The following TRIP12 variants were observed in gnomAD, a reference collection of about 807,000 sequenced individuals.
The protein encoded by TRIP12 is thyroid hormone receptor interactor 12, also known as E3 ubiquitin-protein ligase TRIP12.
TRIP12 carries 25 observed loss-of-function variants against 244.2 expected under a neutral mutation model. That is an observed-to-expected ratio of 0.10 (90% CI 0.07 to 0.14). TRIP12 has a LOEUF of 0.14. Among genes scored for constraint, TRIP12 ranks in the 10% least tolerant of loss-of-function variants. The probability of loss-of-function intolerance (pLI) is 1.00; values close to 1 mark genes in which losing one functional copy is unlikely to be tolerated. For synonymous variants in TRIP12, 905 were observed against 873.1 expected, an observed-to-expected ratio of 1.04 and a Z score of -0.64; for missense variants, 1,677 against 2,486.4, an observed-to-expected ratio of 0.67 and a Z score of 6.92.
At chr2:229,777,285 G>A in intron 37 of TRIP12, 30 bp downstream of exon 37, 2 of 1,588,992 alleles carry the variant, frequency 1.3e-6, no homozygotes, top group Non-Finnish European at 1.7e-6. Context: ...ATAAAGACTT[G>A]ATCTACTGGA....
At chr2:229,822,956 A>G (rs1223120061) in intron 8 of TRIP12, among the ~76,000 whole-genome samples, 1 of 152,232 alleles carries the variant, frequency 6.6e-6, no homozygotes, top group African/African-American at 2.4e-5. Context: ...GATTGAAGAC[A>G]GCAGAAAAAA....
intron 8 of TRIP12, among the ~76,000 whole-genome samples, chr2:229,825,208 C>A (rs1348201195): frequency 6.6e-6 from 1 of 152,106 alleles, no homozygotes; most frequent in Non-Finnish European, 1.5e-5. Context: ...GGAATTAGGA[C>A]ACTCACCATT....
At chr2:229,910,009 C>A (rs975031253) in intron 1 of TRIP12, among the ~76,000 whole-genome samples, 2 of 152,160 alleles carry the variant, frequency 1.3e-5, no homozygotes, top group African/African-American at 2.4e-5. Context: ...CCTTTAAGAG[C>A]TAAATGCAGC....
chr2:229,835,386 G>A (rs555757884), intron 6 of TRIP12, among the ~76,000 whole-genome samples: 1 of 152,120 alleles, frequency 6.6e-6, no homozygotes, highest in Non-Finnish European at 1.5e-5. Context: ...ATAAATAGGG[G>A]AACAAAATTT....
intron 4 of TRIP12, among the ~76,000 whole-genome samples, chr2:229,842,545 G>GA (rs535266230): frequency 7.2e-5 from 11 of 151,920 alleles, no homozygotes; most frequent in African/African-American, 2.7e-4. Context: ...AGTTTAGAGA[G>GA]AAAAAAATGC....
chr2:229,808,513 C>A, intron 15 of TRIP12, 144 bp from the exon 16 acceptor site: 1 of 607,442 alleles, frequency 1.6e-6, no homozygotes, highest in Non-Finnish European at 2.8e-6. Flanking sequence ...GTAAAAAATG[C>A]AAAAGTGCTG....
intron 5 of TRIP12, among the ~76,000 whole-genome samples, chr2:229,838,690 C>A (rs1392040960): frequency 6.6e-6 from 1 of 152,126 alleles, no homozygotes; most frequent in Non-Finnish European, 1.5e-5. Context: ...AATTAAGATT[C>A]AAAATTTGGC....
At chr2:229,828,046 G>T (rs542347922) in intron 8 of TRIP12, among the ~76,000 whole-genome samples, 2 of 152,162 alleles carry the variant, frequency 1.3e-5, no homozygotes, top group African/African-American at 4.8e-5. Flanking sequence ...CTAATGTAGT[G>T]TGTGTGAACT....
At chr2:229,886,793 T>G (rs901102967) in intron 1 of TRIP12, among the ~76,000 whole-genome samples, 11 of 152,222 alleles carry the variant, frequency 7.2e-5, no homozygotes, top group Non-Finnish European at 1.2e-4. Context: ...ATTGTATTTT[T>G]ATAACACTAG....
At chr2:229,883,772 C>T (rs2065352938) in intron 1 of TRIP12, among the ~76,000 whole-genome samples, 1 of 152,220 alleles carries the variant, frequency 6.6e-6, no homozygotes, top group Non-Finnish European at 1.5e-5. Flanking sequence ...ATACAACCAA[C>T]TTATTCACTG....
intron 5 of TRIP12, 22 bp downstream of exon 5, chr2:229,840,800 T>TAAAAA: frequency 7.6e-7 from 1 of 1,311,488 alleles, no homozygotes; most frequent in Non-Finnish European, 1.0e-6. Context: ...GAACTCACTA[T>TAAAAA]AAAAAAAAAA....
rs2154266617 is a variant in TRIP12 at position 229,799,384 on chromosome 2, C to T, written c.3207-1G>A. The T allele has an allele frequency of 6.2e-7, 1 of 1,613,878 alleles. No homozygotes were observed. Among genetic ancestry groups the T allele is most frequent in the East Asian group, 2.2e-5 (1 of 44,878 alleles). On this transcript the variant is annotated splice_acceptor_variant, in intron 21 of 41. Coordinates refer to ENST00000675903, the MANE Select transcript of TRIP12 (RefSeq NM_001348323.3). LOFTEE classifies it high-confidence loss of function. ...TCTCTTTAGAACATCACTTAATCGA[C>T]TGTCCATGGGAAAATATGAGATAAG...
At position 229,859,696 on chromosome 2, in the gene TRIP12, T is replaced by G. The variant is rs1319940372; in HGVS notation, c.225-122A>C. ...ACTAAGTCCAGTATTAAACATAGGTTTTCAGAAGGTTCAAATCTGTAAAAC... is the reference window on the plus strand; with the variant it reads ...ACTAAGTCCAGTATTAAACATAGGTGTTCAGAAGGTTCAAATCTGTAAAAC... On this transcript the variant is annotated intron_variant, in intron 3 of 41. Transcript: ENST00000675903. 3 of 1,104,568 alleles carry G rather than the reference T, an allele frequency of 2.7e-6. No individual in the cohort carries two copies. The Admixed American group carries it at 7.9e-5, about 29-fold the overall frequency. 68.4% of individuals were successfully genotyped at this position (1,104,568 alleles called of 1,614,324 possible).
At chr2:229,774,023 C>T in intron 38 of TRIP12, 74 bp downstream of exon 38, 2 of 1,516,756 alleles carry the variant, frequency 1.3e-6, no homozygotes, top group Non-Finnish European at 1.8e-6. Flanking sequence ...CGTGTGCAGC[C>T]AGAAGCAAGG....
chr2:229,822,265 C>A (rs1050823108), intron 8 of TRIP12, among the ~76,000 whole-genome samples: 1 of 152,182 alleles, frequency 6.6e-6, no homozygotes, highest in Non-Finnish European at 1.5e-5. Flanking sequence ...AGAGAGTAGG[C>A]GTCAAAGACA....
At chr2:229,913,397 G>A (rs1410128733) in intron 1 of TRIP12, among the ~76,000 whole-genome samples, 1 of 152,178 alleles carries the variant, frequency 6.6e-6, no homozygotes. Flanking sequence ...GGAAGACAAG[G>A]AATAAGTTTC....
intron 6 of TRIP12, among the ~76,000 whole-genome samples, chr2:229,832,846 C>G (rs2053800551): frequency 6.6e-6 from 1 of 152,180 alleles, no homozygotes; most frequent in Non-Finnish European, 1.5e-5. Flanking sequence ...TTAACGAATA[C>G]TGTTACTAGG....
chr2:229,896,051 T>C (rs1017706895), intron 1 of TRIP12, among the ~76,000 whole-genome samples: 2 of 151,938 alleles, frequency 1.3e-5, no homozygotes, highest in African/African-American at 4.8e-5. Flanking sequence ...CTCCAATGAA[T>C]GAAGTTTTGG....
chr2:229,878,443 TA>T (rs779143943), intron 2 of TRIP12, among the ~76,000 whole-genome samples: 492 of 133,206 alleles, frequency 3.7e-3, no homozygotes, highest in Admixed American at 4.2e-3. Context: ...GCAACTGTTT[TA>T]AAAAAAAAAA....
Sources: allele counts gnomAD v4.1 joint callset (sites outside exome capture counted in the v4.1 genomes callset), GRCh38; gene constraint gnomAD v4.1.1; transcripts MANE v1.5; gene names NCBI Gene and HGNC (gene_info 2026-07-23, HGNC 2026-07-21).